OTOGL: variants seen among roughly 807,000 people sequenced by gnomAD.
OTOGL encodes the protein otogelin-like protein.
Under a neutral mutation model 318.5 loss-of-function variants are expected in OTOGL, and 285 were observed. The observed-to-expected ratio is 0.89, with a 90% confidence interval of 0.81 to 0.99. OTOGL has a LOEUF of 0.99. OTOGL is among the 50% of genes least tolerant of loss of function. The pLI, the probability that OTOGL is intolerant of heterozygous loss-of-function variation, is 0.00. For synonymous variants in OTOGL, 987 were observed against 936.5 expected, an observed-to-expected ratio of 1.05 and a Z score of -0.99; for missense variants, 2,899 against 2,845.6, an observed-to-expected ratio of 1.02 and a Z score of -0.43.
chr12:80,318,485 GA>G, intron 32 of OTOGL, 60 bp from the exon 33 acceptor site: 1 of 1,109,754 alleles, frequency 9.0e-7, no homozygotes, highest in East Asian at 3.2e-5. Flanking sequence ...TCTTTGAAAT[GA>G]CAGATTGAAA....
chr12:80,288,536 A>G lies in OTOGL; in HGVS notation c.2929-8291A>G, dbSNP rs142300555. Reference sequence around the variant, plus strand: ...CTCCCTGTCACTTTCAGCTACACCAATCAATCATAGGCTTGGTCTTTTCAC... The same window carrying G: ...CTCCCTGTCACTTTCAGCTACACCAGTCAATCATAGGCTTGGTCTTTTCAC... On this transcript the variant is annotated intron_variant, in intron 26 of 58. Coordinates refer to ENST00000547103, the MANE Select transcript of OTOGL (RefSeq NM_001378609.3). Among the ~76,000 whole-genome samples, 903 of 152,130 alleles carry G rather than the reference A, an allele frequency of 5.9e-3. 5 individuals are homozygous for G. The highest frequency in any genetic ancestry group is 9.5e-3 in the Non-Finnish European group (645 of 68,010).
chr12:80,336,542 G>A lies in OTOGL; in HGVS notation c.4730G>A (p.Cys1577Tyr). 9.3e-6 allele frequency: 15 copies of A among 1,608,130 alleles called. No homozygotes were observed. Among genetic ancestry groups the A allele is most frequent in the Non-Finnish European group, 1.2e-5 (14 of 1,176,486 alleles). Residue 1577 changes from cysteine to tyrosine, a missense_variant, in exon 40 of 59, where the codon TGT becomes TAT. By Grantham distance (194) the Cys-to-Tyr change is radical. Coordinates refer to ENST00000547103, the MANE Select transcript of OTOGL (RefSeq NM_001378609.3). ...ATTATAGTTGCTCATATCGAAAAAT[G>A]TTCCATGAATCAGGTGGGTCATAAT... is the stretch of plus-strand genomic sequence containing the variant. ...GEIIVAHIEK[C>Y]SMNQNGNSLK...
intron 44 of OTOGL, among the ~76,000 whole-genome samples, chr12:80,342,497 A>G (rs1456383931): frequency 1.3e-5 from 2 of 152,236 alleles, no homozygotes; most frequent in Admixed American, 1.3e-4. Flanking sequence ...GGCTTTAATC[A>G]ATTCCTTATG....
At chr12:80,278,621 A>G (rs1471282189) in intron 25 of OTOGL, among the ~76,000 whole-genome samples, 1 of 151,624 alleles carries the variant, frequency 6.6e-6, no homozygotes, top group African/African-American at 2.4e-5. Context: ...AATACCATAA[A>G]ATAAAATTTG....
At chr12:80,195,043 C>T (rs898195946) in intron 1 of OTOGL, among the ~76,000 whole-genome samples, 7 of 152,138 alleles carry the variant, frequency 4.6e-5, no homozygotes, top group Admixed American at 4.6e-4. Context: ...GCAAGTGGAC[C>T]CTCCCTCCCT....
chr12:80,160,014 C>T (rs1873397806), intron 1 of OTOGL, among the ~76,000 whole-genome samples: 1 of 151,968 alleles, frequency 6.6e-6, no homozygotes, highest in South Asian at 2.1e-4. Flanking sequence ...CCCTATTCAA[C>T]AAATGGTGCT....
At position 80,267,302 on chromosome 12, in the gene OTOGL, C is replaced by A; in HGVS notation, c.2440C>A (p.Leu814Ile). ...GGGCAGTGTTTATCAACCTGGAGAG[C>A]TCATCCCCACACCCTCGGGCTTATG... ...YRGSVYQPGE[L>I]IPTPSGLCQC... The change falls in exon 22 of 59, where the codon CTC becomes ATC. Residue 814 changes from leucine to isoleucine, a missense_variant. Physicochemically the swap from Leu to Ile is conservative, Grantham distance 5. This residue lies in a region of OTOGL where 2,607 missense variants were observed against 2,524.9 expected (regional missense o/e 1.03). Transcript: ENST00000547103. The A allele has an allele frequency of 6.4e-7, 1 of 1,558,110 alleles. No homozygotes were observed. Among genetic ancestry groups the A allele is most frequent in the Admixed American group, 1.7e-5 (1 of 57,852 alleles).
intron 44 of OTOGL, among the ~76,000 whole-genome samples, chr12:80,342,878 TTTTTC>T (rs556889736): frequency 5.3e-5 from 8 of 151,938 alleles, no homozygotes; most frequent in South Asian, 4.2e-4. Context: ...GAGTTTTAGA[TTTTTC>T]TTTTCTTTTC....
At chr12:80,149,377 G>T (rs541234970) in intron 1 of OTOGL, among the ~76,000 whole-genome samples, 125 of 151,652 alleles carry the variant, frequency 8.2e-4, no homozygotes, top group Non-Finnish European at 1.5e-3. Context: ...GGGGTCGGGG[G>T]CCAGGGGTCA....
intron 4 of OTOGL, among the ~76,000 whole-genome samples, chr12:80,216,834 A>G (rs1592557967): frequency 6.6e-6 from 1 of 152,310 alleles, no homozygotes; most frequent in East Asian, 1.9e-4. Context: ...ATAAAAAGAT[A>G]TATTTAAATG....
At position 80,308,139 on chromosome 12, in the gene OTOGL, G is replaced by C. The variant is rs1318608409; in HGVS notation, c.3333+2444G>C. Among the ~76,000 whole-genome samples, 892 of 148,324 alleles carry C rather than the reference G, an allele frequency of 6.0e-3. 5 individuals are homozygous for C. The highest frequency in any genetic ancestry group is 0.02 in the African/African-American group (791 of 40,194). ...TCCCGGACGGGGCGGCTGGCCGGGCGGGGGGCTGACACCCCCACCTCCCTC... is the reference window on the plus strand; with the variant it reads ...TCCCGGACGGGGCGGCTGGCCGGGCCGGGGGCTGACACCCCCACCTCCCTC... On this transcript the variant is annotated intron_variant, in intron 29 of 58. Transcript: ENST00000547103.
At chr12:80,133,298 T>G (rs1402470177) in intron 1 of OTOGL, among the ~76,000 whole-genome samples, 1 of 152,122 alleles carries the variant, frequency 6.6e-6, no homozygotes, top group East Asian at 1.9e-4. Flanking sequence ...TGAAAGTGTC[T>G]TCTAAATAAA....
At chr12:80,354,901 T>C (rs1889772866) in intron 46 of OTOGL, among the ~76,000 whole-genome samples, 1 of 152,194 alleles carries the variant, frequency 6.6e-6, no homozygotes, top group African/African-American at 2.4e-5. Flanking sequence ...TAATAGTCAC[T>C]ACATAATATT....
intron 58 of OTOGL, 56 bp from the exon 59 acceptor site, chr12:80,377,792 A>C (rs1891247082): frequency 1.5e-6 from 2 of 1,326,376 alleles, no homozygotes; most frequent in Admixed American, 2.1e-5. Context: ...GGAATCAAAT[A>C]ATAACCAGTA....
rs200731985 is a variant in OTOGL, at chr12:80,313,557, A to G, written c.3532A>G (p.Thr1178Ala). The G allele has an allele frequency of 1.9e-5, 30 of 1,612,450 alleles. No individual in the cohort carries two copies. Among genetic ancestry groups the G allele is most frequent in the Non-Finnish European group, 2.3e-5 (27 of 1,178,726 alleles). The stretch of plus-strand genomic sequence containing the variant: ...TGGTGGCGACTGTGAGTGTTTGTGC[A>G]CTAGTATAGCTGCATATGCATACAA... ...NLGGDCECLC[T>A]SIAAYAYKCC... is the part of the protein sequence containing the mutation. The change falls in exon 31 of 59, where the codon ACT (threonine) becomes GCT (alanine). Residue 1178 changes from threonine to alanine, a missense_variant. Transcript: ENST00000547103.
intron 26 of OTOGL, among the ~76,000 whole-genome samples, chr12:80,284,891 A>G (rs534238296): frequency 1.2e-4 from 18 of 152,034 alleles, no homozygotes; most frequent in Admixed American, 1.0e-3. Context: ...ATTAGATCCC[A>G]TTTGTCAATT....
intron 1 of OTOGL, among the ~76,000 whole-genome samples, chr12:80,121,737 C>T (rs758803002): frequency 2.0e-5 from 3 of 152,160 alleles, no homozygotes; most frequent in Non-Finnish European, 2.9e-5. Flanking sequence ...GCTTAACTGA[C>T]ATTATGAGGA....
chr12:80,252,092 T>G lies in OTOGL; in HGVS notation c.1176T>G (p.Asp392Glu). 6.5e-7 allele frequency: 1 copy of G among 1,548,838 alleles called. No individual in the cohort carries two copies. Residue 392 changes from aspartate to glutamate, a missense_variant, in exon 13 of 59, where the codon GAT becomes GAG. Around this residue, in one of 3 missense-constraint regions of OTOGL, gnomAD observed 2,607 missense variants for 2,524.9 expected, o/e 1.03. Transcript: ENST00000547103. Reference sequence around the variant, plus strand: ...CTGTTTTAGCTGATAAATGTGATGATAGCTTTGTCCATCGGGACTGTATCA... The same window carrying G: ...CTGTTTTAGCTGATAAATGTGATGAGAGCTTTGTCCATCGGGACTGTATCA... ...DFPACTDKCD[D>E]SFVHRDCISC...
chr12:80,151,116 G>A (rs974370520), intron 1 of OTOGL, among the ~76,000 whole-genome samples: 37 of 152,108 alleles, frequency 2.4e-4, no homozygotes, highest in Admixed American at 2.4e-3. Context: ...TTTCCTAGGA[G>A]GAAATTTGGC....
Sources: gnomAD v4.1 joint callset for allele counts (sites outside exome capture counted in the v4.1 genomes callset) on GRCh38, gnomAD v4.1.1 for gene constraint, gnomAD v4.1.1 regional missense constraint, MANE v1.5 for transcripts, NCBI Gene and HGNC (gene_info 2026-07-23, HGNC 2026-07-21) for gene names.